Variants in TMEM178B observed in about 807,000 individuals in gnomAD.
TMEM178B encodes transmembrane protein 178B.
Under a neutral mutation model 31.0 loss-of-function variants are expected in TMEM178B, and 5 were observed. That is an observed-to-expected ratio of 0.16 (90% CI 0.08 to 0.34). The LOEUF (loss-of-function observed/expected upper bound fraction) is 0.34. Ranked by LOEUF, TMEM178B falls within the 10% of genes least tolerant of loss-of-function variation. TMEM178B has a pLI of 1.00. For synonymous variants in TMEM178B, 164 were observed against 164.0 expected (o/e 1.00, Z 0.00); for missense variants, 275 against 400.3 (o/e 0.69, Z 2.67).
At chr7:141,349,451 G>A (rs983230032) in intron 2 of TMEM178B, among the ~76,000 whole-genome samples, 1 of 152,094 alleles carries the variant, frequency 6.6e-6, no homozygotes, top group African/African-American at 2.4e-5. Context: ...TGAGATGGAT[G>A]GGTTCACATT....
intron 2 of TMEM178B, among the ~76,000 whole-genome samples, chr7:141,241,195 G>T (rs189098544): frequency 1.3e-5 from 2 of 151,324 alleles, no homozygotes; most frequent in African/African-American, 4.9e-5. Context: ...CTGAGTCTCT[G>T]AAGTCCATTA....
intron 2 of TMEM178B, among the ~76,000 whole-genome samples, chr7:141,384,160 T>C (rs1339532787): frequency 1.3e-5 from 2 of 152,136 alleles, no homozygotes; most frequent in Non-Finnish European, 2.9e-5. Flanking sequence ...TTCTCCCATT[T>C]TGTAGGTTGC....
At chr7:141,447,325 G>A (rs540172366) in intron 3 of TMEM178B, among the ~76,000 whole-genome samples, 2 of 152,164 alleles carry the variant, frequency 1.3e-5, no homozygotes, top group South Asian at 4.2e-4. Flanking sequence ...GTAGGGGGCA[G>A]GAAGCCATAA....
intron 2 of TMEM178B, among the ~76,000 whole-genome samples, chr7:141,317,469 A>C (rs899388841): frequency 2.4e-4 from 36 of 152,174 alleles, no homozygotes; most frequent in Non-Finnish European, 4.6e-4. Context: ...GGCTGAGGCT[A>C]TGTCTTTAAT....
chr7:141,232,946 G>A (rs968508957), intron 2 of TMEM178B, among the ~76,000 whole-genome samples: 3 of 152,220 alleles, frequency 2.0e-5, no homozygotes, highest in African/African-American at 7.2e-5. Context: ...GAGTACAGCT[G>A]TGAGCTGCCC....
chr7:141,169,234 AC>A (rs1796308389), intron 1 of TMEM178B, among the ~76,000 whole-genome samples: 1 of 151,938 alleles, frequency 6.6e-6, no homozygotes, highest in Non-Finnish European at 1.5e-5. Flanking sequence ...TGTGTTGTTC[AC>A]CTCTATGTGT....
At chr7:141,413,601 A>G (rs1182983935) in intron 2 of TMEM178B, among the ~76,000 whole-genome samples, 3 of 152,204 alleles carry the variant, frequency 2.0e-5, no homozygotes, top group African/African-American at 7.2e-5. Flanking sequence ...AGTATTTAGC[A>G]GGCAGCTGCT....
intron 3 of TMEM178B, among the ~76,000 whole-genome samples, chr7:141,443,810 T>G (rs1223268913): frequency 1.3e-5 from 2 of 152,034 alleles, no homozygotes; most frequent in Admixed American, 1.3e-4. Context: ...TGGGAGGAGG[T>G]CTGTCTCTTC....
intron 2 of TMEM178B, among the ~76,000 whole-genome samples, chr7:141,333,596 T>C (rs1799332357): frequency 6.6e-6 from 1 of 152,162 alleles, no homozygotes; most frequent in Admixed American, 6.5e-5. Context: ...ATTGTGGCAG[T>C]ACAGGAGGGG....
chr7:141,400,306 T>C (rs772224494), intron 2 of TMEM178B, among the ~76,000 whole-genome samples: 6 of 152,138 alleles, frequency 3.9e-5, no homozygotes, highest in Non-Finnish European at 7.4e-5. Context: ...ACAGAGAAGT[T>C]TCTATATACT....
In TMEM178B at chr7:141,344,570, T is replaced by TCCTC. The variant is rs1183614421; in HGVS notation, c.497-93034_497-93031dup. On this transcript the variant is annotated intron_variant, in intron 2 of 3. Coordinates refer to ENST00000565468, the MANE Select transcript of TMEM178B (RefSeq NM_001195278.2). This position sits in a 1 kb window ranked among gnomAD's most constrained non-coding sequence, Gnocchi z 4.1. ...CTCCCTCCCTCCCTCCATTCCTCCC[T>TCCTC]CCTCCCTTCCTTCCTTCCTTCCTTC... Among the ~76,000 whole-genome samples the TCCTC allele has an allele frequency of 4.4e-5, 6 of 136,948 alleles. No homozygotes were observed. The highest frequency in any genetic ancestry group is 2.3e-4 in the Admixed American group (3 of 13,050). 89.8% of individuals were successfully genotyped at this position (136,948 alleles called of 152,430 possible). A position where few individuals can be genotyped will look rare whatever the true frequency, so the allele number is the denominator to read the frequency against.
chr7:141,083,869 A>G (rs369398908), intron 1 of TMEM178B, among the ~76,000 whole-genome samples: 1 of 129,624 alleles, frequency 7.7e-6, no homozygotes, highest in Non-Finnish European at 1.6e-5. Flanking sequence ...AAGGCTCTTC[A>G]TTCATTCAGC....
At chr7:141,313,363 A>G (rs1303643728) in intron 2 of TMEM178B, among the ~76,000 whole-genome samples, 2 of 151,862 alleles carry the variant, frequency 1.3e-5, no homozygotes, top group South Asian at 2.1e-4. Context: ...GTTTGCTCTC[A>G]CCCTCATGGC....
intron 2 of TMEM178B, among the ~76,000 whole-genome samples, chr7:141,262,916 A>G (rs1319720767): frequency 6.6e-6 from 1 of 152,284 alleles, no homozygotes; most frequent in East Asian, 1.9e-4. Flanking sequence ...TTCAGCCAGC[A>G]TCAGCTCACT....
chr7:141,333,903 C>T (rs564815586), intron 2 of TMEM178B, among the ~76,000 whole-genome samples: 4 of 152,336 alleles, frequency 2.6e-5, no homozygotes, highest in Non-Finnish European at 4.4e-5. Context: ...AATCTAATGG[C>T]GCAGCTGATC....
intron 2 of TMEM178B, among the ~76,000 whole-genome samples, chr7:141,251,031 T>C (rs1039835692): frequency 1.3e-5 from 2 of 152,118 alleles, no homozygotes; most frequent in Non-Finnish European, 2.9e-5. Context: ...GGGTCAGCTA[T>C]GCTCCAATGT....
intron 1 of TMEM178B, among the ~76,000 whole-genome samples, chr7:141,195,130 T>C (rs1796761324): frequency 6.6e-6 from 1 of 152,200 alleles, no homozygotes; most frequent in South Asian, 2.1e-4. Context: ...GGAGACATTT[T>C]CCCCATGGTC....
chr7:141,085,132 C>G (rs1246048338), intron 1 of TMEM178B, among the ~76,000 whole-genome samples: 2 of 149,434 alleles, frequency 1.3e-5, no homozygotes, highest in East Asian at 3.9e-4. Context: ...CACCTGTCAG[C>G]ACTCTCGGCT....
At chr7:141,410,330 C>T (rs182090390) in intron 2 of TMEM178B, among the ~76,000 whole-genome samples, 316 of 152,330 alleles carry the variant, frequency 2.1e-3, no homozygotes, top group Non-Finnish European at 3.4e-3. Context: ...CAGACGCCTT[C>T]ACAAGTCAGG....
Sources: gnomAD v4.1 joint callset for allele counts (sites outside exome capture counted in the v4.1 genomes callset) on GRCh38, gnomAD v4.1.1 for gene constraint, Gnocchi (gnomAD v3.1) non-coding constraint, MANE v1.5 for transcripts, NCBI Gene and HGNC (gene_info 2026-07-23, HGNC 2026-07-21) for gene names.